The following PCDH15 variants were observed in gnomAD, a reference collection of about 807,000 sequenced individuals.
PCDH15 encodes protocadherin related 15.
Under a neutral mutation model 178.5 loss-of-function variants are expected in PCDH15, and 129 were observed. That is an observed-to-expected ratio of 0.72 (90% CI 0.63 to 0.84). The LOEUF (loss-of-function observed/expected upper bound fraction) is 0.84. Ranked by LOEUF, PCDH15 falls within the 40% of genes least tolerant of loss-of-function variation. The pLI is 0.00. For synonymous variants in PCDH15, 800 were observed against 732.0 expected (o/e 1.09, Z -1.50); for missense variants, 2,230 against 2,099.9 (o/e 1.06, Z -1.21).
chr10:54,741,646 G>A (rs11004528), intron 1 of PCDH15, among the ~76,000 whole-genome samples: 4,864 of 152,086 alleles, frequency 0.032, 220 homozygotes, highest in African/African-American at 0.094. Flanking sequence ...TTTATCTGTA[G>A]GCTTGAGGCA....
chr10:54,596,584 G>C (rs998326122), intron 2 of PCDH15, among the ~76,000 whole-genome samples: 1 of 152,016 alleles, frequency 6.6e-6, no homozygotes, highest in Admixed American at 6.6e-5. Context: ...AGGATAACAA[G>C]ATCAAATACA....
intron 2 of PCDH15, among the ~76,000 whole-genome samples, chr10:55,375,506 T>G (rs560352763): frequency 6.6e-6 from 1 of 152,282 alleles, no homozygotes; most frequent in East Asian, 1.9e-4. Context: ...TATCAGAATA[T>G]TAATTGCCAA....
intron 20 of PCDH15, among the ~76,000 whole-genome samples, chr10:54,006,499 T>C (rs987860247): frequency 6.6e-6 from 1 of 152,192 alleles, no homozygotes; most frequent in African/African-American, 2.4e-5. Flanking sequence ...GTAGATGAAA[T>C]GTCCAGAATT....
At position 54,330,157 on chromosome 10, in the gene PCDH15, T is replaced by C. The variant is rs1475110622; in HGVS notation, c.595-451A>G. On this transcript the variant is annotated intron_variant, in intron 6 of 37. Coordinates refer to ENST00000644397, the MANE Select transcript of PCDH15 (RefSeq NM_001384140.1). ...ATTTTAAGTATTTTTAAGTATTATC[T>C]GGCATTAAATACAAAAAAAAAAATA... is the stretch of plus-strand genomic sequence containing the variant. Among the ~76,000 whole-genome samples, 3 of 96,970 alleles carry C rather than the reference T, an allele frequency of 3.1e-5. No homozygotes were observed. In the East Asian group the frequency reaches 6.0e-4, roughly 19 times the overall value. The allele number at this position is 96,970 out of a possible 152,430, so 63.6% of individuals were successfully genotyped here.
intron 2 of PCDH15, among the ~76,000 whole-genome samples, chr10:55,404,621 G>T (rs945308542): frequency 2.6e-5 from 4 of 151,868 alleles, no homozygotes; most frequent in Non-Finnish European, 4.4e-5. Flanking sequence ...GATAGCTGGG[G>T]ATATTGTGTA....
At chr10:55,149,160 ATAACT>A (rs1302167015) in intron 2 of PCDH15, among the ~76,000 whole-genome samples, 1 of 134,980 alleles carries the variant, frequency 7.4e-6, no homozygotes. Context: ...CTAGTTTATA[ATAACT>A]TAAATGACAG....
chr10:54,281,128 G>A (rs1413891684), intron 8 of PCDH15, among the ~76,000 whole-genome samples: 1 of 151,842 alleles, frequency 6.6e-6, no homozygotes, highest in South Asian at 2.1e-4. Context: ...ATTATACGAA[G>A]GAGTACAGCC....
At chr10:54,926,500 G>A (rs1837630724) in intron 2 of PCDH15, among the ~76,000 whole-genome samples, 3 of 152,008 alleles carry the variant, frequency 2.0e-5, no homozygotes, top group South Asian at 2.1e-4. Context: ...TCCTCTTTAA[G>A]TTTTGTAACA....
intron 2 of PCDH15, among the ~76,000 whole-genome samples, chr10:55,078,097 C>G (rs1183484789): frequency 3.9e-5 from 6 of 151,976 alleles, no homozygotes; most frequent in African/African-American, 1.5e-4. Context: ...GAGTTAGTAT[C>G]CTTGGGTAGA....
intron 2 of PCDH15, among the ~76,000 whole-genome samples, chr10:54,659,668 C>T (rs1323050458): frequency 6.6e-6 from 1 of 151,458 alleles, no homozygotes; most frequent in East Asian, 1.9e-4. Flanking sequence ...GCAGGAAAAT[C>T]GCTTGAATCT....
chr10:55,071,743 T>A (rs920585582), intron 2 of PCDH15, among the ~76,000 whole-genome samples: 1 of 152,088 alleles, frequency 6.6e-6, no homozygotes, highest in Admixed American at 6.6e-5. Context: ...TGCACCAAGC[T>A]GACCTAATAG....
intron 2 of PCDH15, among the ~76,000 whole-genome samples, chr10:54,549,549 A>G (rs1432093517): frequency 6.6e-6 from 1 of 151,958 alleles, no homozygotes; most frequent in Admixed American, 6.6e-5. Flanking sequence ...AAATTTATCG[A>G]AACCTTCTTT....
At chr10:55,605,697 C>T (rs1419852804) in intron 2 of PCDH15, among the ~76,000 whole-genome samples, 70 of 122,088 alleles carry the variant, frequency 5.7e-4, no homozygotes, top group African/African-American at 1.7e-3. Flanking sequence ...AATTCAACAA[C>T]GCTTCATGCT....
chr10:54,055,478 G>C (rs900771059), intron 18 of PCDH15, among the ~76,000 whole-genome samples: 1 of 152,182 alleles, frequency 6.6e-6, no homozygotes, highest in African/African-American at 2.4e-5. Flanking sequence ...AGGCAGTATA[G>C]TTTCCAAGTG....
intron 3 of PCDH15, among the ~76,000 whole-genome samples, chr10:54,858,488 C>A (rs2131777295): frequency 6.6e-6 from 1 of 152,190 alleles, no homozygotes; most frequent in Middle Eastern, 3.4e-3. Flanking sequence ...TGGTGATGTT[C>A]AGTGAATCGC....
chr10:55,409,905 T>C (rs1277072597), intron 2 of PCDH15, among the ~76,000 whole-genome samples: 2 of 152,148 alleles, frequency 1.3e-5, no homozygotes, highest in Non-Finnish European at 2.9e-5. Flanking sequence ...AGGCCAATCA[T>C]GATAGGAACT....
At chr10:55,274,021 T>A (rs570038154) in intron 1 of PCDH15, among the ~76,000 whole-genome samples, 1 of 152,232 alleles carries the variant, frequency 6.6e-6, no homozygotes, top group Admixed American at 6.5e-5. Context: ...TGTGTGCATA[T>A]GCAGACAGTC....
At chr10:54,076,673 C>T (rs905116929) in intron 17 of PCDH15, among the ~76,000 whole-genome samples, 1 of 151,850 alleles carries the variant, frequency 6.6e-6, no homozygotes, top group African/African-American at 2.4e-5. Context: ...GATTTTTCAA[C>T]AATCATTAAC....
intron 26 of PCDH15, among the ~76,000 whole-genome samples, chr10:53,889,878 CA>C (rs2081430840): frequency 6.6e-6 from 1 of 151,890 alleles, no homozygotes; most frequent in Non-Finnish European, 1.5e-5. Context: ...TGAATCTAAA[CA>C]AAAAATACAA....
Sources: gnomAD v4.1 joint callset for allele counts (sites outside exome capture counted in the v4.1 genomes callset) on GRCh38, gnomAD v4.1.1 for gene constraint, MANE v1.5 for transcripts, NCBI Gene and HGNC (gene_info 2026-07-23, HGNC 2026-07-21) for gene names.